The following ATP6AP2 variants were observed in gnomAD, a reference collection of about 807,000 sequenced individuals.
The protein encoded by ATP6AP2 is ATPase H+ transporting accessory protein 2.
Under a neutral mutation model 23.4 loss-of-function variants are expected in ATP6AP2, and 1 was observed. That is an observed-to-expected ratio of 0.04 (90% confidence interval 0.02 to 0.20). The LOEUF (loss-of-function observed/expected upper bound fraction) is 0.20. ATP6AP2 is among the 10% of genes least tolerant of loss of function. ATP6AP2 has a pLI of 1.00. For synonymous variants in ATP6AP2, 90 were observed against 97.1 expected (o/e 0.93, Z 0.43); for missense variants, 174 against 271.3 (o/e 0.64, Z 2.52).
intron 2 of ATP6AP2, chrX:40,589,502 T>C (rs1926567343): frequency 6.3e-6 from 1 of 158,220 alleles, no homozygotes; most frequent in African/African-American, 3.2e-5. Context: ...GTAGTGAAAT[T>C]CTTTGTATAT....
intron 6 of ATP6AP2, chrX:40,599,185 C>G: frequency 4.8e-6 from 1 of 209,938 alleles, no homozygotes; most frequent in Non-Finnish European, 8.6e-6. Context: ...AAATTCTTAT[C>G]TGTTTGCTAC....
intron 3 of ATP6AP2, 176 bp from the exon 4 acceptor site, chrX:40,597,073 G>C: frequency 2.3e-6 from 1 of 441,870 alleles, no homozygotes; most frequent in Non-Finnish European, 4.0e-6. Context: ...GCTTACCAGG[G>C]GGCTGTTTAA....
rs1926885038 is a variant in ATP6AP2, at chrX:40,600,798, G to A, written c.775G>A (p.Ala259Thr). The change falls in exon 8 of 9, where the codon GCA becomes ACA. Residue 259 changes from alanine to threonine, a missense_variant. Coordinates refer to ENST00000636580, the MANE Select transcript of ATP6AP2 (RefSeq NM_005765.3). The stretch of plus-strand genomic sequence containing the variant: ...CATGTACAGTCTTTATGGTGGGAAT[G>A]CAGTGGTAGAGTTAGTCACTGTCAA... ...DDMYSLYGGN[A>T]VVELVTVKSF... 9 of 1,207,393 alleles carry A rather than the reference G, an allele frequency of 7.5e-6. No individual in the cohort carries two copies. Among genetic ancestry groups the A allele is most frequent in the Non-Finnish European group, 1.0e-5 (9 of 891,988 alleles).
intron 7 of ATP6AP2, chrX:40,600,529 CAA>C (rs1441400570): frequency 7.3e-6 from 2 of 274,690 alleles, no homozygotes; most frequent in Non-Finnish European, 1.3e-5. Flanking sequence ...TGTAGCTGCA[CAA>C]AAGCTTTAAA....
chrX:40,587,412 T>A (rs1926504863), intron 1 of ATP6AP2, among the ~76,000 whole-genome samples: 1 of 112,266 alleles, frequency 8.9e-6, no homozygotes, highest in African/African-American at 3.2e-5. Flanking sequence ...TCTGCTAATT[T>A]TTTTGGTCTG....
chrX:40,605,853 A>AT lies in ATP6AP2; in HGVS notation c.*101dup, dbSNP rs776881981. 7.8e-5 allele frequency: 59 copies of AT among 756,370 alleles called. No individual in the cohort carries two copies. The East Asian group carries it at 1.5e-3, about 19-fold the overall frequency. The allele number at this position is 756,370 out of a possible 1,213,427, so 62.3% of individuals were successfully genotyped here. ...CTTTAAAGTAGATAGTATACTTTAC[A>AT]TTTATAAAAAAAAATCAAATTTTGT... On this transcript the variant is annotated 3_prime_UTR_variant, in exon 9 of 9. Coordinates refer to ENST00000636580, the MANE Select transcript of ATP6AP2 (RefSeq NM_005765.3).
chrX:40,594,915 T>A (rs1459711317), intron 3 of ATP6AP2, among the ~76,000 whole-genome samples: 1 of 111,761 alleles, frequency 8.9e-6, no homozygotes, highest in African/African-American at 3.3e-5. Context: ...TTAGACAATT[T>A]AGGTTGTCTA....
chrX:40,592,929 AAATAAT>A (rs1259126270), intron 3 of ATP6AP2, among the ~76,000 whole-genome samples: 1 of 111,970 alleles, frequency 8.9e-6, no homozygotes, highest in Non-Finnish European at 1.9e-5. Context: ...TTAAATCTGA[AAATAAT>A]AATAAAATGA....
intron 8 of ATP6AP2, among the ~76,000 whole-genome samples, chrX:40,603,802 G>A (rs947434437): frequency 2.1e-4 from 23 of 111,389 alleles, no homozygotes; most frequent in African/African-American, 6.2e-4. Flanking sequence ...GTGCAGTGGC[G>A]CAATCATAGC....
At chrX:40,597,758 C>A in intron 5 of ATP6AP2, 94 bp downstream of exon 5, 1 of 958,301 alleles carries the variant, frequency 1.0e-6, no homozygotes, top group South Asian at 2.0e-5. Context: ...CCAGGCTGGT[C>A]TTGAACTCCT....
At chrX:40,596,638 A>C (rs1926782167) in intron 3 of ATP6AP2, among the ~76,000 whole-genome samples, 1 of 111,585 alleles carries the variant, frequency 9.0e-6, no homozygotes, top group South Asian at 3.7e-4. Flanking sequence ...TAATAAAAAA[A>C]TTGAAGGAAA....
chrX:40,597,615 A>G lies in ATP6AP2; in HGVS notation c.485A>G (p.Asn162Ser). Residue 162 changes from asparagine to serine, a missense_variant, in exon 5 of 9, where the codon AAC (asparagine) becomes AGC (serine). Asn to Ser is a conservative substitution (Grantham distance 46). Transcript: ENST00000636580. ...CTCCGTAATCGCCTGTTTCAAGAAA[A>G]CTCTGTTCTCAGTTCACTCCCCCTC... ...RQLRNRLFQE[N>S]SVLSSLPLNS... The G allele has an allele frequency of 1.7e-6, 2 of 1,208,960 alleles. No homozygotes were observed. Among genetic ancestry groups the G allele is most frequent in the Non-Finnish European group, 2.2e-6 (2 of 893,554 alleles).
rs776668345 is a variant in ATP6AP2 at position 40,602,045 on chromosome X, G to T, written c.858+1164G>T. Among the ~76,000 whole-genome samples, 242 of 89,757 alleles carry T rather than the reference G, an allele frequency of 2.7e-3. 1 individual carries two copies. The highest frequency in any genetic ancestry group is 0.013 in the African/African-American group (183 of 13,654). The allele number at this position is 89,757 out of a possible 115,157, so 77.9% of individuals were successfully genotyped here. A position where few individuals can be genotyped will look rare whatever the true frequency, so the allele number is the denominator to read the frequency against. ...GCCTGTAATCCCAGCACTTTGGGAG[G>T]TTGAGGCGGGCGGAACACCTGAGGC... On this transcript the variant is annotated intron_variant, in intron 8 of 8. Transcript: ENST00000636580.
chrX:40,598,314 A>G, intron 5 of ATP6AP2: 1 of 212,300 alleles, frequency 4.7e-6, no homozygotes, highest in South Asian at 8.1e-5. Flanking sequence ...TTATTCTCTG[A>G]TGTGGAAACT....
intron 8 of ATP6AP2, among the ~76,000 whole-genome samples, chrX:40,603,937 C>A (rs1474591527): frequency 1.8e-5 from 2 of 111,004 alleles, no homozygotes; most frequent in Non-Finnish European, 1.9e-5. Context: ...CTTTTTAAGA[C>A]AAACCTGATC....
Position 40,581,035 on chromosome X carries a change from C to T in ATP6AP2, c.-31C>T. Reference sequence around the variant, plus strand: ...CGTGTCCCGCCGGCCCGTTCCGTGTCGCCCCGCAGTGCTGCGGCCGCCGCG... The same window carrying T: ...CGTGTCCCGCCGGCCCGTTCCGTGTTGCCCCGCAGTGCTGCGGCCGCCGCG... On this transcript the variant is annotated 5_prime_UTR_variant, in exon 1 of 9. Coordinates refer to ENST00000636580, the MANE Select transcript of ATP6AP2 (RefSeq NM_005765.3). The T allele has an allele frequency of 3.4e-6, 4 of 1,163,997 alleles. No individual in the cohort carries two copies. Among genetic ancestry groups the T allele is most frequent in the Non-Finnish European group, 4.6e-6 (4 of 871,662 alleles).
At chrX:40,586,869 C>CG (rs1926487071) in intron 1 of ATP6AP2, among the ~76,000 whole-genome samples, 1 of 112,311 alleles carries the variant, frequency 8.9e-6, no homozygotes, top group East Asian at 2.8e-4. Context: ...GTTGAAACTA[C>CG]GAAGCTGGGG....
At chrX:40,605,198 G>C (rs1232382717) in intron 8 of ATP6AP2, 1 of 154,232 alleles carries the variant, frequency 6.5e-6, no homozygotes, top group African/African-American at 3.1e-5. Flanking sequence ...CCGAAGTGCT[G>C]AGATTACAGG....
At chrX:40,594,991 GAA>G (rs1926743263) in intron 3 of ATP6AP2, among the ~76,000 whole-genome samples, 2 of 112,116 alleles carry the variant, frequency 1.8e-5, no homozygotes, top group East Asian at 5.6e-4. Context: ...AAAGTAGAAG[GAA>G]GGGAACAATA....
Sources: gnomAD v4.1 joint callset for allele counts (sites outside exome capture counted in the v4.1 genomes callset) on GRCh38, gnomAD v4.1.1 for gene constraint, MANE v1.5 for transcripts, NCBI Gene and HGNC (gene_info 2026-07-23, HGNC 2026-07-21) for gene names.